The following LEF1 variants were observed in gnomAD, a reference collection of about 807,000 sequenced individuals.
The protein encoded by LEF1 is lymphoid enhancer-binding factor 1.
In LEF1, 14 loss-of-function variants were observed where a neutral mutation model predicts 51.2. That is an observed-to-expected ratio of 0.27 (90% CI 0.18 to 0.43). LEF1 has a LOEUF of 0.43. LEF1 is among the 20% of genes least tolerant of loss of function. The probability of loss-of-function intolerance (pLI) is 1.00; values close to 1 mark genes in which losing one functional copy is unlikely to be tolerated. For missense variants in LEF1, 386 were observed against 512.0 expected, an observed-to-expected ratio of 0.75 and a Z score of 2.37; for synonymous variants, 185 against 183.2, an observed-to-expected ratio of 1.01 and a Z score of -0.08.
In LEF1 at chr4:108,077,284, G is replaced by A. The variant is rs1054597618; in HGVS notation, c.1008+936C>T. ...TGGGAAGTGAGGAGTGCCTCTGCCT[G>A]GCCGCCCAACTGACTGGGAAGTGAG... is the stretch of plus-strand genomic sequence containing the variant. On this transcript the variant is annotated intron_variant, in intron 8 of 11. Coordinates refer to ENST00000265165, the MANE Select transcript of LEF1 (RefSeq NM_016269.5). Among the ~76,000 whole-genome samples the A allele has an allele frequency of 7.9e-5, 12 of 152,100 alleles. No homozygotes were observed. In the South Asian group the frequency reaches 2.5e-3, roughly 32 times the overall value.
intron 3 of LEF1, among the ~76,000 whole-genome samples, chr4:108,141,254 T>C (rs754221793): frequency 2.6e-5 from 4 of 152,232 alleles, no homozygotes; most frequent in Non-Finnish European, 5.9e-5. Flanking sequence ...ACAAGAGTTT[T>C]GAGGGTCTGT....
At chr4:108,079,130 C>T (rs1362455619) in intron 7 of LEF1, among the ~76,000 whole-genome samples, 1 of 152,154 alleles carries the variant, frequency 6.6e-6, no homozygotes, top group Non-Finnish European at 1.5e-5. Context: ...TGCATTAAAC[C>T]CTCCAATCTA....
At chr4:108,098,866 T>G (rs2110288219) in intron 3 of LEF1, among the ~76,000 whole-genome samples, 1 of 152,302 alleles carries the variant, frequency 6.6e-6, no homozygotes, top group East Asian at 1.9e-4. Context: ...AATTGAGAGG[T>G]AAAGTTATTG....
intron 3 of LEF1, among the ~76,000 whole-genome samples, chr4:108,137,848 A>G (rs1227367710): frequency 6.6e-6 from 1 of 152,216 alleles, no homozygotes; most frequent in Non-Finnish European, 1.5e-5. Context: ...TCAACCCAAT[A>G]TAACATGCCA....
At chr4:108,137,066 G>A (rs1578386420) in intron 3 of LEF1, among the ~76,000 whole-genome samples, 1 of 152,226 alleles carries the variant, frequency 6.6e-6, no homozygotes, top group African/African-American at 2.4e-5. Flanking sequence ...TGTATTTGGT[G>A]CCTCTCCCTA....
chr4:108,099,615 T>TATATATAA (rs1553953129), intron 3 of LEF1, among the ~76,000 whole-genome samples: 20 of 118,272 alleles, frequency 1.7e-4, no homozygotes, highest in Non-Finnish European at 2.9e-4. Context: ...TATATATATA[T>TATATATAA]ATAAATAATA....
At chr4:108,081,929 C>G (rs910749405) in intron 5 of LEF1, among the ~76,000 whole-genome samples, 6 of 152,142 alleles carry the variant, frequency 3.9e-5, no homozygotes, top group African/African-American at 1.2e-4. Flanking sequence ...TTATCCCATC[C>G]CCTCTCCCAA....
chr4:108,109,326 C>T (rs7698367), intron 3 of LEF1, among the ~76,000 whole-genome samples: 86,927 of 151,950 alleles, frequency 0.57, 25,285 homozygotes, highest in Middle Eastern at 0.73. Flanking sequence ...GCTGTAATCA[C>T]CTAGAAAGGC....
intron 3 of LEF1, among the ~76,000 whole-genome samples, chr4:108,152,729 T>C (rs1204888797): frequency 6.6e-6 from 1 of 152,266 alleles, no homozygotes; most frequent in Non-Finnish European, 1.5e-5. Context: ...GACCTGCCTG[T>C]AGTGTGTGAT....
At chr4:108,132,781 C>T (rs1231679846) in intron 3 of LEF1, among the ~76,000 whole-genome samples, 12 of 149,268 alleles carry the variant, frequency 8.0e-5, no homozygotes, top group African/African-American at 2.2e-4. Context: ...CCATCCTCCC[C>T]GCTCAGCCTC....
chr4:108,095,019 G>A (rs1224752917), intron 3 of LEF1, among the ~76,000 whole-genome samples: 1 of 152,158 alleles, frequency 6.6e-6, no homozygotes, highest in Non-Finnish European at 1.5e-5. Context: ...CAAGGTACTG[G>A]AAATATTTCC....
intron 3 of LEF1, among the ~76,000 whole-genome samples, chr4:108,160,082 T>C (rs536635345): frequency 1.7e-4 from 26 of 152,272 alleles, no homozygotes; most frequent in African/African-American, 6.0e-4. Flanking sequence ...ATGTTTCTTT[T>C]CTAAGGTGTT....
At chr4:108,098,118 G>T (rs1190014293) in intron 3 of LEF1, among the ~76,000 whole-genome samples, 2 of 152,110 alleles carry the variant, frequency 1.3e-5, no homozygotes, top group African/African-American at 4.8e-5. Context: ...TCTGGTGCTG[G>T]TCTGGGGACA....
intron 3 of LEF1, among the ~76,000 whole-genome samples, chr4:108,096,125 T>C (rs1047914623): frequency 2.0e-5 from 3 of 152,030 alleles, no homozygotes; most frequent in Non-Finnish European, 4.4e-5. Flanking sequence ...TTGTACTATT[T>C]AGTGGTAAAA....
At chr4:108,139,614 T>G (rs768459510) in intron 3 of LEF1, among the ~76,000 whole-genome samples, 22 of 152,040 alleles carry the variant, frequency 1.4e-4, no homozygotes, top group Admixed American at 5.9e-4. Flanking sequence ...CATGACTCTC[T>G]CGGTAAGGAA....
At chr4:108,070,372 T>C in intron 9 of LEF1, 1 of 224,368 alleles carries the variant, frequency 4.5e-6, no homozygotes. Context: ...CTTTACATAG[T>C]AAGATTATGG....
intron 3 of LEF1, among the ~76,000 whole-genome samples, chr4:108,114,789 G>T (rs111827923): frequency 0.019 from 2,826 of 152,338 alleles, 76 homozygotes; most frequent in African/African-American, 0.065. Context: ...TCACGTTGAA[G>T]TGTATGTGCA....
At chr4:108,117,652 TC>T (rs886094779) in intron 3 of LEF1, among the ~76,000 whole-genome samples, 1 of 152,168 alleles carries the variant, frequency 6.6e-6, no homozygotes. Flanking sequence ...GTCTGACCTT[TC>T]CCAGGGCTTT....
At chr4:108,099,528 A>G (rs1740613307) in intron 3 of LEF1, among the ~76,000 whole-genome samples, 1 of 131,596 alleles carries the variant, frequency 7.6e-6, no homozygotes, top group South Asian at 2.6e-4. Context: ...GTATATATAT[A>G]TATATATGTG....
Sources: allele counts gnomAD v4.1 joint callset (sites outside exome capture counted in the v4.1 genomes callset), GRCh38; gene constraint gnomAD v4.1.1; transcripts MANE v1.5; gene names NCBI Gene and HGNC (gene_info 2026-07-23, HGNC 2026-07-21).